TUBA3C: variants seen among roughly 807,000 people sequenced by gnomAD.
TUBA3C encodes tubulin alpha 3c, also known as tubulin alpha-3C chain.
In TUBA3C, 23 loss-of-function variants were observed where a neutral mutation model predicts 33.4. The ratio of observed to expected loss-of-function variants is 0.69; its 90% CI spans 0.50 to 0.98. The LOEUF (loss-of-function observed/expected upper bound fraction) is 0.98, where lower values mean the gene tolerates loss of function less well. TUBA3C is among the 50% of genes least tolerant of loss of function. TUBA3C has a pLI of 0.00. For synonymous variants in TUBA3C, 269 were observed against 250.4 expected (o/e 1.07, Z -0.70); for missense variants, 402 against 616.0 (o/e 0.65, Z 3.68).
chr13:19,181,399 G>A (rs950324374), intron 1 of TUBA3C, among the ~76,000 whole-genome samples: 9 of 152,124 alleles, frequency 5.9e-5, no homozygotes, highest in African/African-American at 2.2e-4. Flanking sequence ...TTTCCAATAG[G>A]ACAGAGACAT....
intron 1 of TUBA3C, among the ~76,000 whole-genome samples, chr13:19,180,795 G>GA (rs1383433019): frequency 1.3e-5 from 2 of 151,384 alleles, no homozygotes; most frequent in African/African-American, 4.8e-5. Context: ...GCGCCCGGCC[G>GA]AAAAATTTAA....
chr13:19,175,897 C>T (rs183788856), intron 4 of TUBA3C, among the ~76,000 whole-genome samples: 35 of 152,280 alleles, frequency 2.3e-4, no homozygotes, highest in African/African-American at 7.9e-4. Context: ...GTGCCCGCCA[C>T]CATACCCGGC....
rs202081515 is a variant in TUBA3C, at chr13:19,174,101, T to C, written c.1115A>G (p.Gln372Arg). ...GTTGCTCAGCATGCACACAGCCCGC[T>C]GCACCTTGGCCAGGTCTCCCCCAGG... ...VVPGGDLAKVQRAVCMLSNTT... is the reference protein window; with the variant it reads ...VVPGGDLAKVRRAVCMLSNTT... The change falls in exon 5 of 5, where the codon CAG becomes CGG. Residue 372 changes from glutamine (Q) to arginine (R), a missense_variant. By Grantham distance (43) the Gln-to-Arg change is conservative. Transcript: ENST00000400113. The C allele has an allele frequency of 1.2e-6, 2 of 1,614,010 alleles. No homozygotes were observed. Among genetic ancestry groups the C allele is most frequent in the Non-Finnish European group, 1.7e-6 (2 of 1,180,018 alleles).
At chr13:19,175,314 C>T (rs1270189871) in intron 4 of TUBA3C, among the ~76,000 whole-genome samples, 2 of 152,182 alleles carry the variant, frequency 1.3e-5, no homozygotes, top group Admixed American at 6.5e-5. Flanking sequence ...TTCCGGGAAG[C>T]CTAGTAATTT....
rs201912155 is a variant in TUBA3C, at chr13:19,178,252, G to T, written c.369C>A (p.Arg123=). 77 of 1,614,032 alleles carry T rather than the reference G, an allele frequency of 4.8e-5. No individual in the cohort carries two copies. Among genetic ancestry groups the T allele is most frequent in the Non-Finnish European group, 1.4e-5 (16 of 1,180,026 alleles). Residue 123 remains arginine (R), a synonymous_variant, in exon 3 of 5, where the codon CGC becomes CGA. Transcript: ENST00000400113. ...TGAAGCCTTCTCTTCTTACCAGTTT[G>T]CGGATCCGGTCCAGGACCAGGTCGA... The part of the protein sequence containing the change: ...EIVDLVLDRI[R]KLADLCTGLQ...
intron 4 of TUBA3C, among the ~76,000 whole-genome samples, 183 bp downstream of exon 4, chr13:19,176,725 CAAAAAAAAAAAAAAAAAAA>C (rs55746544): frequency 4.1e-3 from 142 of 34,616 alleles, no homozygotes; most frequent in Non-Finnish European, 5.8e-3. Context: ...GACTCTGCCT[CAAAAAAAAAAAAAAAAAAA>C]AAAAAAAAAA....
chr13:19,181,763 T>C lies in TUBA3C; in HGVS notation c.-16A>G, dbSNP rs368472789. 178 of 1,602,278 alleles carry C rather than the reference T, an allele frequency of 1.1e-4. No individual in the cohort carries two copies. The highest frequency in any genetic ancestry group is 1.5e-4 in the Non-Finnish European group (177 of 1,179,804). Reference sequence around the variant, plus strand: ...GCCTTACCATGTTGAGCTCCTCCGCTGCCGCAGCCCAACGCTACTACTTGA... The same window carrying C: ...GCCTTACCATGTTGAGCTCCTCCGCCGCCGCAGCCCAACGCTACTACTTGA... On this transcript the variant is annotated 5_prime_UTR_variant, in exon 1 of 5. Transcript: ENST00000400113.
At position 19,176,158 on chromosome 13, in the gene TUBA3C, C is replaced by A. The variant is rs370797652; in HGVS notation, c.1056+769G>T. On this transcript the variant is annotated intron_variant, in intron 4 of 4. Coordinates refer to ENST00000400113, the MANE Select transcript of TUBA3C (RefSeq NM_006001.3). ...ATAGGGTTGAGCACAGTGGCTCATG[C>A]CCGTAATCCCAACATTTTGGGAGGC... Among the ~76,000 whole-genome samples the A allele has an allele frequency of 1.4e-3, 208 of 151,996 alleles. 7 individuals carry two copies. The South Asian group carries it at 0.041, about 30-fold the overall frequency.
chr13:19,179,226 T>C lies in TUBA3C; in HGVS notation c.226+115A>G, dbSNP rs1593262085. 2.7e-6 allele frequency: 4 copies of C among 1,470,816 alleles called. 1 individual carries two copies. In the East Asian group the frequency reaches 7.3e-5, roughly 27 times the overall value. The allele number at this position is 1,470,816 out of a possible 1,614,324, so 91.1% of individuals were successfully genotyped here. On this transcript the variant is annotated intron_variant, in intron 2 of 4. Coordinates refer to ENST00000400113, the MANE Select transcript of TUBA3C (RefSeq NM_006001.3). The stretch of plus-strand genomic sequence containing the variant: ...AGTTTCTGTTAACACCATGGGAATA[T>C]GCTTGTCTATCTCATACCTTCTGCA...
In TUBA3C at chr13:19,181,720, C is replaced by T. The variant is rs202075476; in HGVS notation, c.3+25G>A. 5.8e-5 allele frequency: 93 copies of T among 1,601,746 alleles called. 2 individuals carry two copies. In the South Asian group the frequency reaches 6.8e-4, roughly 12 times the overall value. On this transcript the variant is annotated intron_variant, in intron 1 of 4. Coordinates refer to ENST00000400113, the MANE Select transcript of TUBA3C (RefSeq NM_006001.3). ...GTCCACCCTCCAGCCTGGGCGTCTG[C>T]GGGGTGGGAGTGACCTGGCCTTACC...
At chr13:19,174,232 AAAG>A (rs1869106409) in intron 4 of TUBA3C, 73 bp from the exon 5 acceptor site, 1 of 1,527,956 alleles carries the variant, frequency 6.5e-7, no homozygotes. Flanking sequence ...TTTTCCTCAA[AAAG>A]AAGACACCCT....
rs530194414 is a variant in TUBA3C at position 19,174,164 on chromosome 13, C to T, written c.1057-5G>A. ...GGGCTGGTAGTTAATGCCCACCTGC[C>T]GGAGAAGAGGAAGAAACAGTCCATG... On this transcript the variant is annotated splice_region_variant and splice_polypyrimidine_tract_variant and intron_variant, in intron 4 of 4. Transcript: ENST00000400113. 2.7e-5 allele frequency: 44 copies of T among 1,608,174 alleles called. No homozygotes were observed. The highest frequency in any genetic ancestry group is 3.2e-5 in the Non-Finnish European group (38 of 1,176,408).
Position 19,177,738 on chromosome 13 carries a change from C to T in TUBA3C, c.376-131G>A. On this transcript the variant is annotated intron_variant, in intron 3 of 4. Transcript: ENST00000400113. This position sits in a 1 kb window ranked among gnomAD's most constrained non-coding sequence, Gnocchi z 5.0. The stretch of plus-strand genomic sequence containing the variant: ...AATCATCCATAATAAACACGCAGTA[C>T]ACTCTGAAGCAAAGAAAAGCAGACA... 2 of 1,195,310 alleles carry T rather than the reference C, an allele frequency of 1.7e-6. No individual in the cohort carries two copies. The highest frequency in any genetic ancestry group is 1.5e-5 in the African/African-American group (1 of 64,808). The allele number at this position is 1,195,310 out of a possible 1,614,324, so 74.0% of individuals were successfully genotyped here. A position where few individuals can be genotyped will look rare whatever the true frequency, so the allele number is the denominator to read the frequency against.
chr13:19,181,822 G>GA lies in TUBA3C; in HGVS notation c.-76dup, dbSNP rs1869434598. 6.3e-7 allele frequency: 1 copy of GA among 1,581,740 alleles called. No individual in the cohort carries two copies. Among genetic ancestry groups the GA allele is most frequent in the Non-Finnish European group, 8.6e-7 (1 of 1,167,798 alleles). On this transcript the variant is annotated 5_prime_UTR_variant, in exon 1 of 5. Coordinates refer to ENST00000400113, the MANE Select transcript of TUBA3C (RefSeq NM_006001.3). ...GCCGCTGCAGCTGCGCACGCCCAAC[G>GA]ACAGCCTCCCGCCGTGCGCTGTCTG... is the stretch of plus-strand genomic sequence containing the variant.
chr13:19,177,535 C>T lies in TUBA3C; in HGVS notation c.448G>A (p.Ala150Thr), dbSNP rs372020555. Reference sequence around the variant, plus strand: ...GAGAGCCGCTCCATGAGCAGAGATGCGAACCCAGAGCCAGTGCCACCCCCA... The same window carrying T: ...GAGAGCCGCTCCATGAGCAGAGATGTGAACCCAGAGCCAGTGCCACCCCCA... ...SFGGGTGSGF[A>T]SLLMERLSVD... Residue 150 changes from alanine (A) to threonine (T), a missense_variant, in exon 4 of 5, where the codon GCA (alanine) becomes ACA (threonine). Physicochemically the swap from Ala to Thr is moderately conservative, Grantham distance 58 (BLOSUM62 0). Transcript: ENST00000400113. The surrounding 1 kb of genome is among the most constrained non-coding windows in gnomAD (Gnocchi z 5.0). 1.1e-5 allele frequency: 17 copies of T among 1,613,506 alleles called. No homozygotes were observed. Among genetic ancestry groups the T allele is most frequent in the Admixed American group, 3.3e-5 (2 of 59,964 alleles).
chr13:19,180,174 C>G (rs574070541), intron 1 of TUBA3C, among the ~76,000 whole-genome samples: 1 of 152,126 alleles, frequency 6.6e-6, no homozygotes, highest in South Asian at 2.1e-4. Context: ...AGGAGAGTGG[C>G]GTCAGGGTAC....
intron 1 of TUBA3C, among the ~76,000 whole-genome samples, chr13:19,180,737 T>C (rs1427049939): frequency 6.6e-6 from 1 of 151,274 alleles, no homozygotes; most frequent in Non-Finnish European, 1.5e-5. Flanking sequence ...CCTTTTGATA[T>C]GCCCGCCTTG....
chr13:19,179,299 C>T (rs1238507253), intron 2 of TUBA3C, 42 bp downstream of exon 2: 1 of 1,611,162 alleles, frequency 6.2e-7, no homozygotes, highest in South Asian at 1.1e-5. Context: ...GATGCTCTCC[C>T]ACCCTCCTAA....
rs541909929 is a variant in TUBA3C at position 19,175,623 on chromosome 13, CT to C, written c.1056+1303del. On this transcript the variant is annotated intron_variant, in intron 4 of 4. Transcript: ENST00000400113. ...GACTAGCCACCTAATTTTGTAAGATCTTGTCTGAACACAGCCACCACACCCC... is the reference window on the plus strand; with the variant it reads ...GACTAGCCACCTAATTTTGTAAGATCTGTCTGAACACAGCCACCACACCCC... 1.3e-3 allele frequency among the ~76,000 whole-genome samples: 198 copies of C among 152,306 alleles called. 2 individuals are homozygous for C. The highest frequency in any genetic ancestry group is 4.3e-3 in the African/African-American group (180 of 41,562).
Sources: allele counts gnomAD v4.1 joint callset (sites outside exome capture counted in the v4.1 genomes callset), GRCh38; gene constraint gnomAD v4.1.1; non-coding constraint Gnocchi (gnomAD v3.1); transcripts MANE v1.5; gene names NCBI Gene and HGNC (gene_info 2026-07-23, HGNC 2026-07-21).